Variants in ZNF79 observed in about 807,000 individuals in gnomAD.
ZNF79 encodes the protein zinc finger protein 79.
Under a neutral mutation model 14.9 loss-of-function variants are expected in ZNF79, and 13 were observed. The ratio of observed to expected loss-of-function variants is 0.87; its 90% CI spans 0.57 to 1.38. The LOEUF (loss-of-function observed/expected upper bound fraction) is 1.38, where lower values mean the gene tolerates loss of function less well. Ranked by LOEUF, ZNF79 falls within the 40% of genes most tolerant of loss-of-function variation. ZNF79 has a pLI of 0.00. For missense variants in ZNF79, 631 were observed against 630.6 expected (o/e 1.00, Z -0.01); for synonymous variants, 223 against 235.1 (o/e 0.95, Z 0.47).
intron 4 of ZNF79, among the ~76,000 whole-genome samples, chr9:127,441,786 A>G (rs1215180912): frequency 6.6e-6 from 1 of 152,088 alleles, no homozygotes; most frequent in Non-Finnish European, 1.5e-5. Flanking sequence ...TCTACTAAAA[A>G]TCCAAAAAAT....
At chr9:127,440,999 A>G (rs965044151) in intron 4 of ZNF79, among the ~76,000 whole-genome samples, 19 of 152,262 alleles carry the variant, frequency 1.2e-4, no homozygotes, top group African/African-American at 4.6e-4. Flanking sequence ...GAGAGAGGTG[A>G]GCTGAGGGAC....
rs748554777 is a variant in ZNF79 at position 127,435,908 on chromosome 9, G to T, written c.233G>T (p.Gly78Val). The T allele has an allele frequency of 1.2e-6, 2 of 1,613,990 alleles. No homozygotes were observed. Among genetic ancestry groups the T allele is most frequent in the Admixed American group, 3.3e-5 (2 of 60,004 alleles). ...AAGCCTGTTTTTTCCCGTTGAATAG[G>T]ACTTCCAGTTTCCCAGCCTGGCATG... ...PGKSRSLVLL[G>V]LPVSQPGMNS... Residue 78 changes from glycine to valine, a missense_variant and splice_region_variant, in exon 4 of 5, where the codon GGA becomes GTA. Gly to Val is a moderately radical substitution (Grantham distance 109). Coordinates refer to ENST00000342483, the MANE Select transcript of ZNF79 (RefSeq NM_007135.3).
chr9:127,440,178 A>C (rs1303722507), intron 4 of ZNF79, among the ~76,000 whole-genome samples: 1 of 152,148 alleles, frequency 6.6e-6, no homozygotes, highest in Non-Finnish European at 1.5e-5. Context: ...TCTACTTTTT[A>C]TGGTGATGAG....
At chr9:127,430,358 A>G (rs1308799095) in intron 2 of ZNF79, among the ~76,000 whole-genome samples, 1 of 152,116 alleles carries the variant, frequency 6.6e-6, no homozygotes, top group East Asian at 1.9e-4. Flanking sequence ...CAGATGATGT[A>G]CCATCACTCA....
intron 2 of ZNF79, among the ~76,000 whole-genome samples, chr9:127,434,252 C>T (rs1298532691): frequency 2.6e-5 from 4 of 152,124 alleles, no homozygotes; most frequent in East Asian, 1.9e-4. Flanking sequence ...CCTCCCTCCC[C>T]GCCTTCCTGT....
chr9:127,431,398 A>G lies in ZNF79; in HGVS notation c.105+2478A>G, dbSNP rs117295126. Among the ~76,000 whole-genome samples, 1,465 of 151,882 alleles carry G rather than the reference A, an allele frequency of 9.6e-3. 9 individuals are homozygous for G. Among genetic ancestry groups the G allele is most frequent in the Non-Finnish European group, 0.017 (1,139 of 67,928 alleles). On this transcript the variant is annotated intron_variant, in intron 2 of 4. Transcript: ENST00000342483. ...CTCAGCCTCCTGAGTAGCTGGGATTACCACCAGACCCGGCTAATTTTTGTA... is the reference window on the plus strand; with the variant it reads ...CTCAGCCTCCTGAGTAGCTGGGATTGCCACCAGACCCGGCTAATTTTTGTA...
chr9:127,432,322 G>C (rs1451948771), intron 2 of ZNF79, among the ~76,000 whole-genome samples: 1 of 151,304 alleles, frequency 6.6e-6, no homozygotes, highest in Admixed American at 6.6e-5. Context: ...TAATTTTTTT[G>C]TATTTTTAGT....
intron 4 of ZNF79, among the ~76,000 whole-genome samples, chr9:127,439,605 A>C (rs1480079576): frequency 6.6e-6 from 1 of 152,172 alleles, no homozygotes; most frequent in Non-Finnish European, 1.5e-5. Flanking sequence ...AGGAGTTGAA[A>C]GTGCCATTCT....
intron 4 of ZNF79, among the ~76,000 whole-genome samples, chr9:127,440,804 G>A (rs538714647): frequency 6.6e-6 from 1 of 152,278 alleles, no homozygotes; most frequent in African/African-American, 2.4e-5. Flanking sequence ...AACAGGACTT[G>A]CTGGTGGATT....
In ZNF79 at chr9:127,444,719, A is replaced by G; in HGVS notation, c.1019A>G (p.Lys340Arg). Residue 340 changes from lysine (K) to arginine (R), a missense_variant, in exon 5 of 5, where the codon AAG (lysine) becomes AGG (arginine). Coordinates refer to ENST00000342483, the MANE Select transcript of ZNF79 (RefSeq NM_007135.3). ...CCCTACAAGTGCAGCGAGTGTGGGA[A>G]GGCCTTCAGTTACTGCGCAGCGTTC... is the stretch of plus-strand genomic sequence containing the variant. ...EKPYKCSECG[K>R]AFSYCAAFIQ... 1 of 1,613,880 alleles carries G rather than the reference A, an allele frequency of 6.2e-7. No homozygotes were observed.
rs1026263858 is a variant in ZNF79 at position 127,435,946 on chromosome 9, G to A, written c.271G>A (p.Glu91Lys). 8 of 1,614,102 alleles carry A rather than the reference G, an allele frequency of 5.0e-6. No individual in the cohort carries two copies. Among genetic ancestry groups the A allele is most frequent in the Non-Finnish European group, 6.8e-6 (8 of 1,180,048 alleles). ...CCAGCCTGGCATGAACTCCCAGTTG[G>A]AACAAAGGGAAGGCGCATGGATGCT... ...VSQPGMNSQL[E>K]QREGAWMLEG... The change falls in exon 4 of 5, where the codon GAA (glutamate) becomes AAA (lysine). Residue 91 changes from glutamate (E) to lysine (K), a missense_variant. By Grantham distance (56) the Glu-to-Lys change is moderately conservative (BLOSUM62 1). Transcript: ENST00000342483.
intron 1 of ZNF79, 120 bp downstream of exon 1, chr9:127,424,923 A>G: frequency 1.3e-6 from 2 of 1,548,502 alleles, no homozygotes; most frequent in Non-Finnish European, 1.7e-6. Flanking sequence ...AGTTGGAGAC[A>G]ATCATTTTTT....
At chr9:127,434,841 G>T (rs1833917942) in intron 2 of ZNF79, among the ~76,000 whole-genome samples, 1 of 152,152 alleles carries the variant, frequency 6.6e-6, no homozygotes, top group South Asian at 2.1e-4. Context: ...TAGAGACAGG[G>T]TTTTGCCGTG....
At chr9:127,436,121 A>G (rs993503037) in intron 4 of ZNF79, 118 bp downstream of exon 4, 2 of 792,140 alleles carry the variant, frequency 2.5e-6, no homozygotes, top group Admixed American at 4.7e-5. Flanking sequence ...CCCCCATTCT[A>G]CAGATGAGGA....
intron 4 of ZNF79, among the ~76,000 whole-genome samples, chr9:127,440,009 C>A (rs1834022733): frequency 6.6e-6 from 1 of 152,126 alleles, no homozygotes; most frequent in African/African-American, 2.4e-5. Context: ...ACTACAGGCA[C>A]CCACCACCAC....
intron 4 of ZNF79, among the ~76,000 whole-genome samples, chr9:127,440,643 AAG>A (rs1451103664): frequency 6.6e-6 from 1 of 152,168 alleles, no homozygotes; most frequent in Non-Finnish European, 1.5e-5. Context: ...AAAAATGAAA[AAG>A]AATTCAGCGT....
intron 4 of ZNF79, 120 bp from the exon 5 acceptor site, chr9:127,443,900 CAAAAAAAAA>C (rs34006666): frequency 5.8e-6 from 2 of 345,062 alleles, no homozygotes; most frequent in Non-Finnish European, 8.8e-6. Context: ...GACTCCGTCT[CAAAAAAAAA>C]AAAAAAAAAA....
intron 1 of ZNF79, among the ~76,000 whole-genome samples, chr9:127,425,217 C>T (rs1833729832): frequency 6.6e-6 from 1 of 152,118 alleles, no homozygotes; most frequent in South Asian, 2.1e-4. Flanking sequence ...CAGGCCAGCC[C>T]AGTAGGATTG....
chr9:127,436,077 G>C, intron 4 of ZNF79, 74 bp downstream of exon 4: 1 of 1,249,014 alleles, frequency 8.0e-7, no homozygotes, highest in Non-Finnish European at 1.2e-6. Context: ...GAGTGTATTT[G>C]ATTATCATAA....
Sources: gnomAD v4.1 joint callset for allele counts (sites outside exome capture counted in the v4.1 genomes callset) on GRCh38, gnomAD v4.1.1 for gene constraint, MANE v1.5 for transcripts, NCBI Gene and HGNC (gene_info 2026-07-23, HGNC 2026-07-21) for gene names.